The following EXOC4 variants were observed in gnomAD, a reference collection of about 807,000 sequenced individuals.
The protein encoded by EXOC4 is SEC8-like 1.
EXOC4 carries 71 observed loss-of-function variants against 107.2 expected under a neutral mutation model. That is an observed-to-expected ratio of 0.66 (90% CI 0.55 to 0.81). EXOC4 has a LOEUF of 0.81. Among genes scored for constraint, EXOC4 ranks in the 30% least tolerant of loss-of-function variants. The pLI is 0.00. For synonymous variants in EXOC4, 456 were observed against 441.2 expected (o/e 1.03, Z -0.42); for missense variants, 1,108 against 1,189.6 (o/e 0.93, Z 1.01).
At chr7:134,057,678 TTTTCAAG>T (rs1795963117) in intron 17 of EXOC4, among the ~76,000 whole-genome samples, 1 of 152,140 alleles carries the variant, frequency 6.6e-6, no homozygotes, top group Admixed American at 6.5e-5. Flanking sequence ...GTTCAGAGTG[TTTTCAAG>T]TCAATTGCTA....
intron 10 of EXOC4, among the ~76,000 whole-genome samples, chr7:133,631,968 T>C (rs564580979): frequency 1.2e-4 from 19 of 152,248 alleles, no homozygotes; most frequent in African/African-American, 4.1e-4. Context: ...AAAGAAACCC[T>C]TTAGAAACTA....
intron 9 of EXOC4, among the ~76,000 whole-genome samples, chr7:133,485,159 A>C (rs1799247759): frequency 6.6e-6 from 1 of 151,968 alleles, no homozygotes; most frequent in Admixed American, 6.6e-5. Context: ...TAAAAATTTA[A>C]AAAGTATCAT....
chr7:134,077,029 T>G, the EXOC4 span, among the ~76,000 whole-genome samples: 1 of 151,570 alleles, frequency 6.6e-6, no homozygotes, highest in African/African-American at 2.4e-5. Flanking sequence ...ATTATGGGAG[T>G]TGGCTCACAT....
intron 9 of EXOC4, among the ~76,000 whole-genome samples, chr7:133,534,855 A>T (rs1311421388): frequency 6.6e-6 from 1 of 152,158 alleles, no homozygotes; most frequent in African/African-American, 2.4e-5. Flanking sequence ...ACGTGGACTG[A>T]AAAAGTATGG....
At chr7:133,614,308 G>A (rs1297748233) in intron 9 of EXOC4, among the ~76,000 whole-genome samples, 1 of 152,106 alleles carries the variant, frequency 6.6e-6, no homozygotes, top group African/African-American at 2.4e-5. Flanking sequence ...AAGATGAACA[G>A]CAGTTGCCAG....
At chr7:133,621,864 G>A (rs2041997) in intron 9 of EXOC4, among the ~76,000 whole-genome samples, 149,261 of 152,324 alleles carry the variant, frequency 0.98, 73,190 homozygotes, top group East Asian at 1. Flanking sequence ...ACTGCAAGAC[G>A]TTGTTTGGGT....
chr7:133,993,185 C>A (rs573870179), intron 14 of EXOC4, among the ~76,000 whole-genome samples: 133 of 152,272 alleles, frequency 8.7e-4, no homozygotes, highest in African/African-American at 3.0e-3. Context: ...CATTTATATT[C>A]ATCAGGGATA....
At position 133,893,039 on chromosome 7, in the gene EXOC4, C is replaced by T. The variant is rs1261330858; in HGVS notation, c.1735-2560C>T. Among the ~76,000 whole-genome samples, 5 of 73,040 alleles carry T rather than the reference C, an allele frequency of 6.8e-5. 2 individuals carry two copies. Among genetic ancestry groups the T allele is most frequent in the African/African-American group, 3.8e-4 (2 of 5,318 alleles). The allele number at this position is 73,040 out of a possible 152,430, so 47.9% of individuals were successfully genotyped here. A position where few individuals can be genotyped will look rare whatever the true frequency, so the allele number is the denominator to read the frequency against. ...TTGACAGTGGGGTGTTAAAGTCTCC[C>T]ATTATTAATGTGTGGGAGTCTAAGT... On this transcript the variant is annotated intron_variant, in intron 11 of 17. Coordinates refer to ENST00000253861, the MANE Select transcript of EXOC4 (RefSeq NM_021807.4).
intron 9 of EXOC4, among the ~76,000 whole-genome samples, chr7:133,487,955 T>A (rs1799301769): frequency 6.6e-6 from 1 of 152,162 alleles, no homozygotes; most frequent in Admixed American, 6.5e-5. Flanking sequence ...ATAATACCAC[T>A]CATTATGAGT....
At chr7:133,502,926 G>C (rs532664132) in intron 9 of EXOC4, among the ~76,000 whole-genome samples, 57 of 152,204 alleles carry the variant, frequency 3.7e-4, no homozygotes, top group African/African-American at 1.3e-3. Flanking sequence ...AGATTTTTAA[G>C]AGACCTTGTC....
intron 17 of EXOC4, 70 bp from the exon 18 acceptor site, chr7:134,064,221 C>T (rs549012109): frequency 1.8e-5 from 18 of 999,016 alleles, no homozygotes; most frequent in Admixed American, 8.3e-5. Context: ...GTATAGACAG[C>T]GTATTTGTCC....
chr7:133,651,615 A>T (rs1165102851), intron 10 of EXOC4, among the ~76,000 whole-genome samples: 1 of 152,194 alleles, frequency 6.6e-6, no homozygotes, highest in Non-Finnish European at 1.5e-5. Context: ...GATTTAAAAA[A>T]TTACTTTGAG....
chr7:133,686,545 C>G (rs1359637241), intron 10 of EXOC4, among the ~76,000 whole-genome samples: 1 of 152,052 alleles, frequency 6.6e-6, no homozygotes, highest in Non-Finnish European at 1.5e-5. Flanking sequence ...ATCTAAGAAT[C>G]AAAAAGTAGG....
chr7:133,608,949 T>C (rs1251823278), intron 9 of EXOC4, among the ~76,000 whole-genome samples: 6 of 152,234 alleles, frequency 3.9e-5, no homozygotes, highest in African/African-American at 1.4e-4. Flanking sequence ...TATGTTCATT[T>C]CTCACATTTA....
intron 11 of EXOC4, among the ~76,000 whole-genome samples, chr7:133,828,243 G>A (rs767061720): frequency 3.9e-5 from 6 of 152,178 alleles, no homozygotes; most frequent in Non-Finnish European, 7.4e-5. Flanking sequence ...GCTAACAAAG[G>A]CATCTTCAGA....
chr7:133,884,134 CCAAA>C (rs1799026845), intron 11 of EXOC4, among the ~76,000 whole-genome samples: 1 of 152,120 alleles, frequency 6.6e-6, no homozygotes, highest in Non-Finnish European at 1.5e-5. Flanking sequence ...TCTTGTTGTG[CCAAA>C]CCCTTGTTAA....
At chr7:133,936,529 G>T (rs1800304217) in intron 13 of EXOC4, among the ~76,000 whole-genome samples, 1 of 152,148 alleles carries the variant, frequency 6.6e-6, no homozygotes, top group Non-Finnish European at 1.5e-5. Context: ...AAAGCCTTGG[G>T]TCTTACAGAA....
At chr7:133,876,730 G>A (rs1426339435) in intron 11 of EXOC4, among the ~76,000 whole-genome samples, 1 of 152,030 alleles carries the variant, frequency 6.6e-6, no homozygotes, top group East Asian at 1.9e-4. Flanking sequence ...GCACAGTATA[G>A]GGTGGTAAAG....
At chr7:133,959,609 C>T (rs1277874932) in intron 14 of EXOC4, among the ~76,000 whole-genome samples, 1 of 151,620 alleles carries the variant, frequency 6.6e-6, no homozygotes, top group Non-Finnish European at 1.5e-5. Flanking sequence ...AATGAAAGGA[C>T]CCAGTGGATG....
Sources: gnomAD v4.1 joint callset for allele counts (sites outside exome capture counted in the v4.1 genomes callset) on GRCh38, gnomAD v4.1.1 for gene constraint, MANE v1.5 for transcripts, NCBI Gene and HGNC (gene_info 2026-07-23, HGNC 2026-07-21) for gene names.